Variants in PMFBP1 observed in about 807,000 individuals in gnomAD.
PMFBP1 encodes the protein polyamine-modulated factor 1-binding protein 1.
PMFBP1 carries 131 observed loss-of-function variants against 137.8 expected under a neutral mutation model. The ratio of observed to expected loss-of-function variants is 0.95; its 90% CI spans 0.82 to 1.10. The LOEUF is 1.10. Among genes scored for constraint, PMFBP1 ranks in the 50% least tolerant of loss-of-function variants. The probability of loss-of-function intolerance (pLI) is 0.00; values close to 1 mark genes in which losing one functional copy is unlikely to be tolerated. For missense variants in PMFBP1, 1,199 were observed against 1,175.4 expected (o/e 1.02, Z -0.29); for synonymous variants, 490 against 450.4 (o/e 1.09, Z -1.11).
At chr16:72,168,065 C>T (rs1263210368) in intron 2 of PMFBP1, among the ~76,000 whole-genome samples, 7 of 152,190 alleles carry the variant, frequency 4.6e-5, no homozygotes, top group South Asian at 2.1e-4. Flanking sequence ...CATTTAGCAT[C>T]GGCTCAGAGT....
the PMFBP1 span, among the ~76,000 whole-genome samples, chr16:72,248,396 A>G: frequency 6.6e-6 from 1 of 152,220 alleles, no homozygotes; most frequent in Admixed American, 6.5e-5. Context: ...ACTTTATATC[A>G]TTGGGGCAAA....
chr16:72,233,946 T>C, the PMFBP1 span, among the ~76,000 whole-genome samples: 7 of 152,162 alleles, frequency 4.6e-5, no homozygotes, highest in East Asian at 1.9e-4. Context: ...TAATATTCCA[T>C]TGTATGGGCA....
chr16:72,122,178 T>C (rs551532763), intron 19 of PMFBP1, among the ~76,000 whole-genome samples: 2 of 152,324 alleles, frequency 1.3e-5, no homozygotes, highest in Admixed American at 1.3e-4. Context: ...GTCAGTTTGC[T>C]AAGGATAATA....
the PMFBP1 span, among the ~76,000 whole-genome samples, chr16:72,225,585 T>C: frequency 6.6e-6 from 1 of 151,698 alleles, no homozygotes. Context: ...TGGTGGTGCA[T>C]GCCTAAAGTT....
At chr16:72,132,710 A>G (rs1191348958) in intron 10 of PMFBP1, 38 bp downstream of exon 10, 12 of 1,613,232 alleles carry the variant, frequency 7.4e-6, no homozygotes, top group Non-Finnish European at 1.0e-5. Context: ...CTAGCCCCAC[A>G]GAAAAGTGTG....
At chr16:72,223,542 A>G in the PMFBP1 span, among the ~76,000 whole-genome samples, 6 of 152,132 alleles carry the variant, frequency 3.9e-5, no homozygotes, top group African/African-American at 1.4e-4. Context: ...GGGCTGTAAA[A>G]TTATTCAGTG....
At chr16:72,240,411 C>T in the PMFBP1 span, among the ~76,000 whole-genome samples, 3 of 152,236 alleles carry the variant, frequency 2.0e-5, no homozygotes, top group Admixed American at 6.5e-5. Context: ...TAATTCCAAA[C>T]GTCTCTACTA....
At chr16:72,172,684 C>G (rs2043233038), upstream of PMFBP1, among the ~76,000 whole-genome samples, 1 of 151,844 alleles carries the variant, frequency 6.6e-6, no homozygotes, top group Non-Finnish European at 1.5e-5. Flanking sequence ...CACAATGAGA[C>G]AAGTCACACA....
rs1475214886 is a variant in PMFBP1, at chr16:72,126,069, C to G, written c.2152G>C (p.Glu718Gln). Residue 718 changes from glutamate (E) to glutamine (Q), a missense_variant, in exon 15 of 21, where the codon GAG (glutamate) becomes CAG (glutamine). Coordinates refer to ENST00000237353, the MANE Select transcript of PMFBP1 (RefSeq NM_031293.3). ...QAQLDKALQK[E>Q]KHYLQTTITK... ...ATGGTAGTCTGGAGATAGTGCTTCT[C>G]CTTCTGCAGAGCTTTGTCCAGCTGG... The G allele has an allele frequency of 1.2e-6, 2 of 1,614,210 alleles. No homozygotes were observed. Among genetic ancestry groups the G allele is most frequent in the South Asian group, 2.2e-5 (2 of 91,080 alleles).
the PMFBP1 span, among the ~76,000 whole-genome samples, chr16:72,247,101 T>C: frequency 1.3e-5 from 2 of 152,220 alleles, no homozygotes; most frequent in Non-Finnish European, 2.9e-5. Flanking sequence ...ATAGAAGGAA[T>C]GCCCTTCATT....
chr16:72,149,075 C>T (rs1049063790), intron 5 of PMFBP1, among the ~76,000 whole-genome samples: 1 of 152,192 alleles, frequency 6.6e-6, no homozygotes, highest in Non-Finnish European at 1.5e-5. Flanking sequence ...CCGCTCCTTC[C>T]TTTCACTGGT....
In PMFBP1 at chr16:72,139,353, G is replaced by A. The variant is rs903106398; in HGVS notation, c.854C>T (p.Ala285Val). The change falls in exon 7 of 21, where the codon GCT (alanine) becomes GTT (valine). Residue 285 changes from alanine (A) to valine (V), a missense_variant. By Grantham distance (64) the Ala-to-Val change is moderately conservative (BLOSUM62 0). Coordinates refer to ENST00000237353, the MANE Select transcript of PMFBP1 (RefSeq NM_031293.3). ...KALIKLQADFASCTATHRYPP... is the reference protein window; with the variant it reads ...KALIKLQADFVSCTATHRYPP... ...GTATCTGTGGGTGGCTGTACAGGAA[G>A]CAAAATCGGCTTGTAGTTTTATCAA... 7 of 1,614,024 alleles carry A rather than the reference G, an allele frequency of 4.3e-6. No homozygotes were observed. Among genetic ancestry groups the A allele is most frequent in the Admixed American group, 1.7e-5 (1 of 59,998 alleles).
At chr16:72,242,974 G>A in the PMFBP1 span, among the ~76,000 whole-genome samples, 3 of 152,220 alleles carry the variant, frequency 2.0e-5, no homozygotes, top group Non-Finnish European at 4.4e-5. Context: ...GTGTTGTATC[G>A]TCAGCATGAC....
At chr16:72,132,641 G>A (rs2042565529) in intron 10 of PMFBP1, 107 bp downstream of exon 10, 2 of 1,535,242 alleles carry the variant, frequency 1.3e-6, no homozygotes, top group Non-Finnish European at 8.8e-7. Context: ...GTGAGACACT[G>A]GAGGAGGGCG....
At chr16:72,219,889 T>C in the PMFBP1 span, among the ~76,000 whole-genome samples, 1 of 152,214 alleles carries the variant, frequency 6.6e-6, no homozygotes, top group Non-Finnish European at 1.5e-5. Flanking sequence ...GTCTTGGCCA[T>C]GTTAGGGTTC....
chr16:72,157,397 T>C (rs2042999064), intron 3 of PMFBP1, among the ~76,000 whole-genome samples: 1 of 151,946 alleles, frequency 6.6e-6, no homozygotes, highest in African/African-American at 2.4e-5. Context: ...GAAGGCCAAA[T>C]TGAGAAGCTG....
At chr16:72,139,962 G>T (rs1312220626) in intron 6 of PMFBP1, among the ~76,000 whole-genome samples, 1 of 152,112 alleles carries the variant, frequency 6.6e-6, no homozygotes, top group Non-Finnish European at 1.5e-5. Flanking sequence ...AATTCAGTTT[G>T]TACTTATATA....
chr16:72,146,068 C>CA (rs907173421), intron 5 of PMFBP1, among the ~76,000 whole-genome samples: 1 of 152,104 alleles, frequency 6.6e-6, no homozygotes, highest in African/African-American at 2.4e-5. Context: ...AGAGACACAA[C>CA]AAAAAAAGAG....
intron 2 of PMFBP1, among the ~76,000 whole-genome samples, chr16:72,165,265 A>T (rs79639148): frequency 0.037 from 5,559 of 152,268 alleles, 307 homozygotes; most frequent in African/African-American, 0.13. Context: ...ACTGATGAAC[A>T]TATTGAGATG....
Sources: allele counts gnomAD v4.1 joint callset (sites outside exome capture counted in the v4.1 genomes callset), GRCh38; gene constraint gnomAD v4.1.1; transcripts MANE v1.5; gene names NCBI Gene and HGNC (gene_info 2026-07-23, HGNC 2026-07-21).